Variants in TGFBR2 observed in about 807,000 individuals in gnomAD.
TGFBR2 encodes the protein transforming growth factor beta receptor 2.
Under a neutral mutation model 49.0 loss-of-function variants are expected in TGFBR2, and 18 were observed. That is an observed-to-expected ratio of 0.37 (90% CI 0.25 to 0.54). The LOEUF (loss-of-function observed/expected upper bound fraction) is 0.54, where lower values mean the gene tolerates loss of function less well. TGFBR2 is among the 20% of genes least tolerant of loss of function. The pLI, the probability that TGFBR2 is intolerant of heterozygous loss-of-function variation, is 0.85. For synonymous variants in TGFBR2, 282 were observed against 275.9 expected (o/e 1.02, Z -0.22); for missense variants, 525 against 722.6 (o/e 0.73, Z 3.13).
chr3:30,684,021 G>A lies in TGFBR2; in HGVS notation c.1397-4363G>A, dbSNP rs192005903. The stretch of plus-strand genomic sequence containing the variant: ...AAGCAAATATCTGAGGCATTCTGAG[G>A]GACACTTAGAACTGAGGAGCAATTA... On this transcript the variant is annotated intron_variant, in intron 5 of 6. Transcript: ENST00000295754. Among the ~76,000 whole-genome samples the A allele has an allele frequency of 8.1e-4, 123 of 152,298 alleles. 1 individual carries two copies. The South Asian group carries it at 0.02, about 25-fold the overall frequency.
rs1197015190 is a variant in TGFBR2, at chr3:30,693,887, T to C, written c.*2288T>C. The C allele has an allele frequency of 4.3e-6, 1 of 232,206 alleles. No homozygotes were observed. Among genetic ancestry groups the C allele is most frequent in the African/African-American group, 2.2e-5 (1 of 45,196 alleles). 14.4% of individuals were successfully genotyped at this position (232,206 alleles called of 1,614,324 possible). A position where few individuals can be genotyped will look rare whatever the true frequency, so the allele number is the denominator to read the frequency against. ...AAGACCAAGGAATAACATTCTGTAG[T>C]TCCTAAAAATACTGACTTTTTTCAC... On this transcript the variant is annotated 3_prime_UTR_variant, in exon 7 of 7. Coordinates refer to ENST00000295754, the MANE Select transcript of TGFBR2 (RefSeq NM_003242.6).
intron 1 of TGFBR2, among the ~76,000 whole-genome samples, chr3:30,620,983 G>A (rs1240280209): frequency 6.6e-6 from 1 of 152,152 alleles, no homozygotes; most frequent in African/African-American, 2.4e-5. Flanking sequence ...TGCTTAATAG[G>A]AGTGGGTTTC....
chr3:30,636,733 C>T (rs1433174132), intron 1 of TGFBR2, among the ~76,000 whole-genome samples: 2 of 146,594 alleles, frequency 1.4e-5, no homozygotes, highest in Admixed American at 6.8e-5. Flanking sequence ...TGTGTGTGCA[C>T]GTGTGTGTGT....
intron 1 of TGFBR2, among the ~76,000 whole-genome samples, chr3:30,639,552 TA>T (rs1431592177): frequency 1.3e-5 from 2 of 152,188 alleles, no homozygotes; most frequent in Admixed American, 6.5e-5. Context: ...ACCTGCAGGT[TA>T]AAAATATTCC....
At chr3:30,621,358 G>A (rs1238652963) in intron 1 of TGFBR2, among the ~76,000 whole-genome samples, 1 of 135,138 alleles carries the variant, frequency 7.4e-6, no homozygotes, top group Non-Finnish European at 1.5e-5. Flanking sequence ...TCAGCTCACT[G>A]CAACCTCTGC....
chr3:30,627,628 A>G (rs1296522979), intron 1 of TGFBR2, among the ~76,000 whole-genome samples: 2 of 151,876 alleles, frequency 1.3e-5, no homozygotes, highest in Admixed American at 1.3e-4. Flanking sequence ...TTCTGCAGAG[A>G]TGAAAATATC....
chr3:30,674,085 A>C lies in TGFBR2; in HGVS notation c.1255-20A>C. The C allele has an allele frequency of 6.2e-7, 1 of 1,614,132 alleles. No individual in the cohort carries two copies. Among genetic ancestry groups the C allele is most frequent in the Non-Finnish European group, 8.5e-7 (1 of 1,179,994 alleles). On this transcript the variant is annotated intron_variant, in intron 4 of 6. Transcript: ENST00000295754. Reference sequence around the variant, plus strand: ...CAGCTGGAATTAAATGATGGGCCTCACTGTCTGTTTTTGCTATAGGTGGGA... The same window carrying C: ...CAGCTGGAATTAAATGATGGGCCTCCCTGTCTGTTTTTGCTATAGGTGGGA...
intron 2 of TGFBR2, among the ~76,000 whole-genome samples, chr3:30,648,419 TACACACACACACACAC>T (rs35473576): frequency 4.8e-4 from 56 of 115,598 alleles, no homozygotes; most frequent in East Asian, 7.7e-4. Context: ...AAAAACAACC[TACACACACACACACAC>T]ACACACACAC....
intron 1 of TGFBR2, among the ~76,000 whole-genome samples, chr3:30,611,536 T>G (rs896204881): frequency 2.0e-5 from 3 of 152,086 alleles, no homozygotes; most frequent in Non-Finnish European, 1.5e-5. Context: ...ACTGCAAAAT[T>G]TTAAATAAAG....
At chr3:30,642,176 T>G (rs1275831856) in intron 1 of TGFBR2, among the ~76,000 whole-genome samples, 1 of 152,150 alleles carries the variant, frequency 6.6e-6, no homozygotes, top group Non-Finnish European at 1.5e-5. Context: ...GGAGAAGAAT[T>G]TCTATCTGAG....
chr3:30,691,602 C>T lies in TGFBR2; in HGVS notation c.*3C>T. Reference sequence around the variant, plus strand: ...GCTCCCTAAACACTACCAAATAGCTCTTCTGGGGCAGGCTGGGCCATGTCC... The same window carrying T: ...GCTCCCTAAACACTACCAAATAGCTTTTCTGGGGCAGGCTGGGCCATGTCC... On this transcript the variant is annotated 3_prime_UTR_variant, in exon 7 of 7. Coordinates refer to ENST00000295754, the MANE Select transcript of TGFBR2 (RefSeq NM_003242.6). 6.2e-7 allele frequency: 1 copy of T among 1,614,030 alleles called. No individual in the cohort carries two copies. The highest frequency in any genetic ancestry group is 8.5e-7 in the Non-Finnish European group (1 of 1,179,964).
intron 3 of TGFBR2, among the ~76,000 whole-genome samples, chr3:30,664,296 T>A (rs1699205104): frequency 6.6e-6 from 1 of 152,082 alleles, no homozygotes; most frequent in South Asian, 2.1e-4. Flanking sequence ...CATTTTTTTT[T>A]AATCATCTGA....
At chr3:30,674,827 T>G (rs1699406949) in intron 5 of TGFBR2, among the ~76,000 whole-genome samples, 1 of 152,158 alleles carries the variant, frequency 6.6e-6, no homozygotes, top group African/African-American at 2.4e-5. Context: ...ACTTTTCTCC[T>G]GAAAAGCTGG....
chr3:30,675,320 G>A (rs2125440437), intron 5 of TGFBR2, among the ~76,000 whole-genome samples: 1 of 151,720 alleles, frequency 6.6e-6, no homozygotes, highest in African/African-American at 2.4e-5. Context: ...CAGGGTCTTA[G>A]GTCTCACCTG....
At position 30,681,251 on chromosome 3, in the gene TGFBR2, AGAGACGGCT is replaced by A. The variant is rs1699535191; in HGVS notation, c.1396+7009_1396+7017del. On this transcript the variant is annotated intron_variant, in intron 5 of 6. Coordinates refer to ENST00000295754, the MANE Select transcript of TGFBR2 (RefSeq NM_003242.6). ...GAGACAGAAAAAAAGGAGGCGTTGG[AGAGACGGCT>A]GAGGAGAGACCAGGATTGAAACGCT... Among the ~76,000 whole-genome samples, 6 of 151,916 alleles carry A rather than the reference AGAGACGGCT, an allele frequency of 3.9e-5. No homozygotes were observed. In the South Asian group the frequency reaches 1.2e-3, roughly 32 times the overall value.
intron 6 of TGFBR2, among the ~76,000 whole-genome samples, chr3:30,689,198 G>A (rs1699672714): frequency 6.6e-6 from 1 of 152,140 alleles, no homozygotes; most frequent in Admixed American, 6.5e-5. Flanking sequence ...CAGTCATTCT[G>A]GACTCATAAA....
At chr3:30,662,396 G>A (rs1158523669) in intron 3 of TGFBR2, among the ~76,000 whole-genome samples, 2 of 152,154 alleles carry the variant, frequency 1.3e-5, no homozygotes, top group Non-Finnish European at 2.9e-5. Flanking sequence ...GAGATAAGAA[G>A]GAAATAATAC....
At chr3:30,647,161 A>T (rs1041956647) in intron 2 of TGFBR2, among the ~76,000 whole-genome samples, 1 of 152,136 alleles carries the variant, frequency 6.6e-6, no homozygotes, top group East Asian at 1.9e-4. Flanking sequence ...CCCTCCAGTG[A>T]TGGGAGCTGC....
intron 5 of TGFBR2, among the ~76,000 whole-genome samples, chr3:30,682,823 G>T (rs1369528866): frequency 2.0e-5 from 3 of 152,274 alleles, no homozygotes; most frequent in Admixed American, 1.3e-4. Flanking sequence ...ATCCCATAAG[G>T]TTCCCCTTCT....
Sources: gnomAD v4.1 joint callset for allele counts (sites outside exome capture counted in the v4.1 genomes callset) on GRCh38, gnomAD v4.1.1 for gene constraint, MANE v1.5 for transcripts, NCBI Gene and HGNC (gene_info 2026-07-23, HGNC 2026-07-21) for gene names.